DSCAML1: variants seen among roughly 807,000 people sequenced by gnomAD.
DSCAML1 encodes the protein DS cell adhesion molecule like 1, also known as cell adhesion molecule DSCAML1.
Under a neutral mutation model 200.5 loss-of-function variants are expected in DSCAML1, and 38 were observed. That is an observed-to-expected ratio of 0.19 (90% CI 0.15 to 0.25). DSCAML1 has a LOEUF of 0.25. Among genes scored for constraint, DSCAML1 ranks in the 10% least tolerant of loss-of-function variants. The pLI, the probability that DSCAML1 is intolerant of heterozygous loss-of-function variation, is 1.00. For missense variants in DSCAML1, 2,223 were observed against 2,858.8 expected (o/e 0.78, Z 5.07); for synonymous variants, 1,215 against 1,165.0 (o/e 1.04, Z -0.87).
rs537805972 is a variant in DSCAML1, at chr11:117,655,530, T to C, written c.511+121261A>G. 2.6e-5 allele frequency among the ~76,000 whole-genome samples: 4 copies of C among 152,318 alleles called. No individual in the cohort carries two copies. The East Asian group carries it at 7.7e-4, about 29-fold the overall frequency. ...GACAGGATTTAAAATGAGGCCTGTCTGGTGTAAAGTCAGTGCAAAAGTGCA... is the reference window on the plus strand; with the variant it reads ...GACAGGATTTAAAATGAGGCCTGTCCGGTGTAAAGTCAGTGCAAAAGTGCA... On this transcript the variant is annotated intron_variant, in intron 3 of 32. Coordinates refer to ENST00000651296, the MANE Select transcript of DSCAML1 (RefSeq NM_020693.4).
chr11:117,461,378 T>A, intron 18 of DSCAML1, 72 bp downstream of exon 18: 1 of 1,599,958 alleles, frequency 6.3e-7, no homozygotes, highest in South Asian at 1.1e-5. Context: ...CAGCTCTAAC[T>A]ACGCCTGGAA....
chr11:117,548,532 C>G (rs981625177), intron 3 of DSCAML1, among the ~76,000 whole-genome samples: 2 of 152,230 alleles, frequency 1.3e-5, no homozygotes, highest in African/African-American at 4.8e-5. Flanking sequence ...CACCGTTGGG[C>G]CACAGCCTGG....
intron 3 of DSCAML1, among the ~76,000 whole-genome samples, chr11:117,602,277 G>A (rs1469697773): frequency 2.6e-5 from 4 of 152,226 alleles, no homozygotes; most frequent in African/African-American, 7.2e-5. Context: ...CTGGGCACAC[G>A]TGGCCTGGAG....
intron 16 of DSCAML1, among the ~76,000 whole-genome samples, chr11:117,467,922 T>G (rs2048615960): frequency 6.6e-6 from 1 of 152,166 alleles, no homozygotes; most frequent in South Asian, 2.1e-4. Context: ...ATTGCCTACA[T>G]GCCCAGAGCT....
At chr11:117,525,104 G>GCAGCCCTGGC in intron 4 of DSCAML1, 21 bp from the exon 5 acceptor site, 1 of 1,516,584 alleles carries the variant, frequency 6.6e-7, no homozygotes, top group South Asian at 1.3e-5. Context: ...GAGAGGGTCG[G>GCAGCCCTGGC]CAGCCCTGGC....
intron 3 of DSCAML1, among the ~76,000 whole-genome samples, chr11:117,712,609 C>CT (rs2053869615): frequency 6.6e-6 from 1 of 152,074 alleles, no homozygotes; most frequent in Non-Finnish European, 1.5e-5. Context: ...TTGTTAGTTT[C>CT]TTTTTTATTA....
chr11:117,735,551 GA>G (rs1375321612), intron 3 of DSCAML1, among the ~76,000 whole-genome samples: 1 of 152,128 alleles, frequency 6.6e-6, no homozygotes, highest in Non-Finnish European at 1.5e-5. Flanking sequence ...AAAAGCACAT[GA>G]AAAAATAAAG....
intron 3 of DSCAML1, among the ~76,000 whole-genome samples, chr11:117,550,845 T>C (rs140625534): frequency 1.2e-3 from 184 of 152,368 alleles, no homozygotes; most frequent in African/African-American, 4.0e-3. Context: ...CTTCTGACTC[T>C]GGCAATTTCC....
intron 3 of DSCAML1, among the ~76,000 whole-genome samples, chr11:117,731,024 G>A (rs1463642254): frequency 6.6e-6 from 1 of 152,182 alleles, no homozygotes. Flanking sequence ...GTTAATGGTT[G>A]TGGGGTTTCC....
At chr11:117,777,564 C>G (rs1445315288) in intron 2 of DSCAML1, among the ~76,000 whole-genome samples, 3 of 152,204 alleles carry the variant, frequency 2.0e-5, no homozygotes, top group Non-Finnish European at 4.4e-5. Flanking sequence ...ACGATTGTCT[C>G]TGAGCACACA....
intron 3 of DSCAML1, among the ~76,000 whole-genome samples, chr11:117,618,434 A>T (rs976268063): frequency 1.3e-5 from 2 of 152,104 alleles, no homozygotes; most frequent in African/African-American, 4.8e-5. Flanking sequence ...CTTTCATATA[A>T]CAGCTCTTCA....
intron 3 of DSCAML1, among the ~76,000 whole-genome samples, chr11:117,639,789 G>A (rs2052366489): frequency 6.6e-6 from 1 of 152,110 alleles, no homozygotes; most frequent in Non-Finnish European, 1.5e-5. Flanking sequence ...GGCTGCAGAG[G>A]CCCCGGGAAC....
At chr11:117,724,108 CACA>C (rs1224884178) in intron 3 of DSCAML1, among the ~76,000 whole-genome samples, 1 of 152,110 alleles carries the variant, frequency 6.6e-6, no homozygotes, top group African/African-American at 2.4e-5. Flanking sequence ...TAAAGGCCAT[CACA>C]ACATTTTTCC....
chr11:117,601,040 GAAAAGTATT>G (rs1376338138), intron 3 of DSCAML1, among the ~76,000 whole-genome samples: 1 of 152,158 alleles, frequency 6.6e-6, no homozygotes, highest in Non-Finnish European at 1.5e-5. Flanking sequence ...ATTATCCCTT[GAAAAGTATT>G]AAAAGCCACC....
intron 3 of DSCAML1, chr11:117,709,653 C>G: frequency 1.5e-5 from 7 of 455,132 alleles, no homozygotes; most frequent in South Asian, 1.1e-4. Context: ...GAACCATAAT[C>G]CCACCCCAAC....
chr11:117,576,046 A>G (rs770027922), intron 3 of DSCAML1, among the ~76,000 whole-genome samples: 9 of 151,990 alleles, frequency 5.9e-5, no homozygotes, highest in Non-Finnish European at 1.2e-4. Context: ...CCACCTACAC[A>G]AAGGGCACTT....
rs1184377950 is a variant in DSCAML1, at chr11:117,780,493, C to T, written c.364G>A (p.Val122Ile). ...GGGCAGCCAGTGTCTTGTCCCTTAC[C>T]TGCTTTGACGCGGATGTTGGGGCTC... ...IRSPNIRVKA[V>I]FREPYTVRVE... is the part of the protein sequence containing the mutation. The change falls in exon 2 of 33, where the codon GTT becomes ATT. Residue 122 changes from valine to isoleucine, a missense_variant and splice_region_variant. Physicochemically the swap from Val to Ile is conservative, Grantham distance 29. This residue lies in a region of DSCAML1 where 579 missense variants were observed against 721.5 expected (regional missense o/e 0.80). Coordinates refer to ENST00000651296, the MANE Select transcript of DSCAML1 (RefSeq NM_020693.4). The surrounding 1 kb of genome is among the most constrained non-coding windows in gnomAD (Gnocchi z 4.8). 2 of 1,444,904 alleles carry T rather than the reference C, an allele frequency of 1.4e-6. No homozygotes were observed. The highest frequency in any genetic ancestry group is 1.6e-5 in the South Asian group (1 of 62,458). 89.5% of individuals were successfully genotyped at this position (1,444,904 alleles called of 1,614,324 possible). A position where few individuals can be genotyped will look rare whatever the true frequency, so the allele number is the denominator to read the frequency against.
At chr11:117,633,367 G>A (rs1308343199) in intron 3 of DSCAML1, among the ~76,000 whole-genome samples, 1 of 152,216 alleles carries the variant, frequency 6.6e-6, no homozygotes, top group Non-Finnish European at 1.5e-5. Flanking sequence ...GAGCTGGAGG[G>A]GTAGGGAGGG....
chr11:117,790,490 G>C (rs921301458), intron 1 of DSCAML1, among the ~76,000 whole-genome samples: 1 of 152,244 alleles, frequency 6.6e-6, no homozygotes, highest in South Asian at 2.1e-4. Context: ...GCCCACGGAG[G>C]GGGAGACAGC....
Sources: gnomAD v4.1 joint callset for allele counts (sites outside exome capture counted in the v4.1 genomes callset) on GRCh38, gnomAD v4.1.1 for gene constraint, gnomAD v4.1.1 regional missense constraint, Gnocchi (gnomAD v3.1) non-coding constraint, MANE v1.5 for transcripts, NCBI Gene and HGNC (gene_info 2026-07-23, HGNC 2026-07-21) for gene names.